Variants in ABCA13 observed in about 807,000 individuals in gnomAD.
The protein encoded by ABCA13 is ATP-binding cassette sub-family A member 13.
Under a neutral mutation model 478.7 loss-of-function variants are expected in ABCA13, and 476 were observed. That is an observed-to-expected ratio of 0.99 (90% CI 0.92 to 1.07). ABCA13 has a LOEUF of 1.07. ABCA13 is among the 50% of genes least tolerant of loss of function. ABCA13 has a pLI of 0.00. For synonymous variants in ABCA13, 2,252 were observed against 2,158.9 expected, an observed-to-expected ratio of 1.04 and a Z score of -1.20; for missense variants, 6,060 against 5,910.6, an observed-to-expected ratio of 1.03 and a Z score of -0.83.
chr7:48,352,699 GAA>G (rs1329293411), intron 31 of ABCA13, among the ~76,000 whole-genome samples: 1 of 152,014 alleles, frequency 6.6e-6, no homozygotes, highest in Non-Finnish European at 1.5e-5. Context: ...ACAATCAAGT[GAA>G]GTTTTAAATT....
At chr7:48,602,533 T>C (rs1467440396) in intron 58 of ABCA13, among the ~76,000 whole-genome samples, 3 of 152,172 alleles carry the variant, frequency 2.0e-5, no homozygotes, top group African/African-American at 7.2e-5. Context: ...CAGATGGTTG[T>C]AGATGTGTGG....
At chr7:48,416,527 A>C (rs1156657224) in intron 41 of ABCA13, among the ~76,000 whole-genome samples, 2 of 152,270 alleles carry the variant, frequency 1.3e-5, no homozygotes, top group East Asian at 3.9e-4. Context: ...TCATGGAAGG[A>C]ACCACAACAT....
chr7:48,294,789 A>G (rs1306177778), intron 20 of ABCA13, among the ~76,000 whole-genome samples: 2 of 152,236 alleles, frequency 1.3e-5, no homozygotes, highest in African/African-American at 4.8e-5. Context: ...CTCTACATGT[A>G]AATGAGATCC....
chr7:48,442,907 G>A (rs373698338), intron 42 of ABCA13, among the ~76,000 whole-genome samples: 7 of 152,258 alleles, frequency 4.6e-5, no homozygotes, highest in East Asian at 3.9e-4. Flanking sequence ...CTGGTGGTAC[G>A]GACTGAACTG....
chr7:48,322,316 A>G (rs1584834872), intron 27 of ABCA13, among the ~76,000 whole-genome samples: 1 of 152,234 alleles, frequency 6.6e-6, no homozygotes, highest in Non-Finnish European at 1.5e-5. Flanking sequence ...TCAAGATGGC[A>G]AAGTTTTTCA....
intron 58 of ABCA13, among the ~76,000 whole-genome samples, chr7:48,598,298 T>A (rs1403270884): frequency 1.3e-5 from 2 of 152,202 alleles, no homozygotes; most frequent in African/African-American, 4.8e-5. Context: ...TTCCACTATC[T>A]GGATGTACTA....
Position 48,279,033 on chromosome 7 carries a change from TA to T in ABCA13, c.7840del (p.Ile2614PhefsTer12), listed in dbSNP as rs1417983056. On this transcript the variant is annotated frameshift_variant, in exon 18 of 62. Transcript: ENST00000435803. LOFTEE classifies it high-confidence loss of function. The stretch of plus-strand genomic sequence containing the variant: ...AACCTTATATATCATCAAACTCTGA[TA>T]TTTTCAGTATGTCACCTAGCATACT... ...VEPYISSNSD[I>X]FSMSPSILSY... is the part of the protein sequence containing the mutation. The T allele has an allele frequency of 6.2e-7, 1 of 1,613,206 alleles. No individual in the cohort carries two copies. The highest frequency in any genetic ancestry group is 1.3e-5 in the African/African-American group (1 of 74,940).
chr7:48,334,200 T>C (rs754066216), intron 27 of ABCA13, among the ~76,000 whole-genome samples: 8 of 152,246 alleles, frequency 5.3e-5, no homozygotes, highest in Non-Finnish European at 8.8e-5. Flanking sequence ...ATTAATAATG[T>C]TATTCAACCT....
rs1456163101 is a variant in ABCA13 at position 48,524,228 on chromosome 7, C to G, written c.14052-20C>G. On this transcript the variant is annotated intron_variant, in intron 53 of 61. Coordinates refer to ENST00000435803, the MANE Select transcript of ABCA13 (RefSeq NM_152701.5). Reference sequence around the variant, plus strand: ...GTATCATTTGCTAGGTGTGAATTCACTCTGATTTCATCTTCCCAGGGGTCA... The same window carrying G: ...GTATCATTTGCTAGGTGTGAATTCAGTCTGATTTCATCTTCCCAGGGGTCA... 4 of 1,600,988 alleles carry G rather than the reference C, an allele frequency of 2.5e-6. No individual in the cohort carries two copies. Among genetic ancestry groups the G allele is most frequent in the Non-Finnish European group, 3.4e-6 (4 of 1,172,320 alleles).
At chr7:48,526,853 T>C (rs2131021621) in intron 54 of ABCA13, among the ~76,000 whole-genome samples, 1 of 152,292 alleles carries the variant, frequency 6.6e-6, no homozygotes, top group South Asian at 2.1e-4. Flanking sequence ...GGAAACAAAA[T>C]ATCATAAGCA....
intron 60 of ABCA13, 58 bp from the exon 61 acceptor site, chr7:48,644,559 A>G: frequency 6.6e-7 from 1 of 1,517,430 alleles, no homozygotes; most frequent in Non-Finnish European, 8.8e-7. Context: ...AGTATGATCA[A>G]TTTTGTTTAA....
intron 42 of ABCA13, among the ~76,000 whole-genome samples, chr7:48,436,535 A>G (rs907999153): frequency 6.6e-6 from 1 of 151,442 alleles, no homozygotes; most frequent in African/African-American, 2.4e-5. Flanking sequence ...CTGCTTTAGT[A>G]TTTACTCCAT....
intron 2 of ABCA13, among the ~76,000 whole-genome samples, chr7:48,193,586 TGAA>T (rs1336832591): frequency 4.7e-5 from 7 of 148,952 alleles, no homozygotes; most frequent in South Asian, 2.2e-4. Flanking sequence ...ATGATAGTAA[TGAA>T]GATGATGATG....
At chr7:48,558,009 C>T (rs1368166876) in intron 55 of ABCA13, among the ~76,000 whole-genome samples, 1 of 151,954 alleles carries the variant, frequency 6.6e-6, no homozygotes, top group Non-Finnish European at 1.5e-5. Flanking sequence ...TCTTTTGCCT[C>T]CTCTGACTGT....
At chr7:48,176,154 G>A (rs1003578047) in intron 1 of ABCA13, among the ~76,000 whole-genome samples, 2 of 152,226 alleles carry the variant, frequency 1.3e-5, no homozygotes, top group African/African-American at 4.8e-5. Context: ...CTTGCCTCCT[G>A]TGACTGCTAC....
chr7:48,546,197 T>C (rs1178942652), intron 55 of ABCA13, among the ~76,000 whole-genome samples: 3 of 151,812 alleles, frequency 2.0e-5, no homozygotes, highest in Admixed American at 6.6e-5. Context: ...TAAATGTAAA[T>C]ATGTTAAAAT....
intron 24 of ABCA13, among the ~76,000 whole-genome samples, 155 bp from the exon 25 acceptor site, chr7:48,312,912 G>GATTA (rs1199718361): frequency 6.6e-6 from 1 of 152,220 alleles, no homozygotes; most frequent in Non-Finnish European, 1.5e-5. Context: ...ATACTCTAAT[G>GATTA]AAGATAACTT....
At position 48,275,524 on chromosome 7, in the gene ABCA13, T is replaced by C; in HGVS notation, c.5858T>C (p.Leu1953Ser). ...AGTGGTTCCATAAAGCAAGTTGCTT[T>C]GCAAATCATAGAAAAACTTAAAAAT... ...CPSGSIKQVA[L>S]QIIEKLKNVN... Residue 1953 changes from leucine (L) to serine (S), a missense_variant, in exon 17 of 62, where the codon TTG becomes TCG. By Grantham distance (145) the Leu-to-Ser change is moderately radical. Around this residue, in one of 3 missense-constraint regions of ABCA13, gnomAD observed 4,423 missense variants for 4,309.1 expected, o/e 1.03. Coordinates refer to ENST00000435803, the MANE Select transcript of ABCA13 (RefSeq NM_152701.5). 6.2e-7 allele frequency: 1 copy of C among 1,613,848 alleles called. No individual in the cohort carries two copies. Among genetic ancestry groups the C allele is most frequent in the Non-Finnish European group, 8.5e-7 (1 of 1,179,854 alleles).
chr7:48,404,149 GA>G (rs1409670980), intron 39 of ABCA13: 5 of 384,574 alleles, frequency 1.3e-5, no homozygotes, highest in Non-Finnish European at 2.5e-5. Flanking sequence ...TGATTTCAAG[GA>G]AAATTGTCTT....
Sources: allele counts gnomAD v4.1 joint callset (sites outside exome capture counted in the v4.1 genomes callset), GRCh38; gene constraint gnomAD v4.1.1; regional missense constraint gnomAD v4.1.1; transcripts MANE v1.5; gene names NCBI Gene and HGNC (gene_info 2026-07-23, HGNC 2026-07-21).